Variants in FGF12 observed in about 807,000 individuals in gnomAD.
FGF12 encodes fibroblast growth factor 12B.
A neutral mutation model predicts 23.6 loss-of-function variants in FGF12; 14 were observed. The observed-to-expected ratio is 0.59, with a 90% confidence interval of 0.39 to 0.93. The LOEUF (loss-of-function observed/expected upper bound fraction) is 0.93, where lower values mean the gene tolerates loss of function less well. Ranked by LOEUF, FGF12 falls within the 40% of genes least tolerant of loss-of-function variation. The probability of loss-of-function intolerance (pLI) is 0.00; values close to 1 mark genes in which losing one functional copy is unlikely to be tolerated. For synonymous variants in FGF12, 62 were observed against 77.3 expected (o/e 0.80, Z 1.04); for missense variants, 175 against 217.8 (o/e 0.80, Z 1.24).
chr3:192,681,814 T>C (rs887261549), intron 2 of FGF12, among the ~76,000 whole-genome samples: 5 of 152,074 alleles, frequency 3.3e-5, no homozygotes, highest in African/African-American at 1.2e-4. Context: ...ATAAAAATCA[T>C]CTAGTCAGCC....
intron 4 of FGF12, among the ~76,000 whole-genome samples, chr3:192,271,224 AACATCCAGT>A (rs1713415122): frequency 6.6e-6 from 1 of 152,198 alleles, no homozygotes; most frequent in South Asian, 2.1e-4. Flanking sequence ...TGTATTTAGT[AACATCCAGT>A]ACATCTGCTG....
At chr3:192,533,844 T>G (rs1725158917) in intron 2 of FGF12, among the ~76,000 whole-genome samples, 1 of 152,222 alleles carries the variant, frequency 6.6e-6, no homozygotes, top group African/African-American at 2.4e-5. Context: ...ATACTGTGAT[T>G]CCTGGCAGTG....
intron 2 of FGF12, among the ~76,000 whole-genome samples, chr3:192,543,968 T>C (rs1725434694): frequency 6.6e-6 from 1 of 152,190 alleles, no homozygotes; most frequent in East Asian, 1.9e-4. Context: ...CAAGCTACAC[T>C]GCCTGGGGCT....
intron 2 of FGF12, among the ~76,000 whole-genome samples, chr3:192,669,600 C>G (rs1717030736): frequency 2.2e-5 from 1 of 44,806 alleles, no homozygotes. Flanking sequence ...AAGACTCTGT[C>G]TTAAAAAAAA....
At chr3:192,589,951 A>G (rs1362052382) in intron 2 of FGF12, among the ~76,000 whole-genome samples, 1 of 151,940 alleles carries the variant, frequency 6.6e-6, no homozygotes, top group Non-Finnish European at 1.5e-5. Flanking sequence ...AGAAACTCTT[A>G]TCTTCCTTCT....
chr3:192,539,372 T>C (rs1725309931), intron 2 of FGF12, among the ~76,000 whole-genome samples: 1 of 152,216 alleles, frequency 6.6e-6, no homozygotes, highest in South Asian at 2.1e-4. Flanking sequence ...TTTTATCAAA[T>C]AATTTTTCAG....
chr3:192,617,400 T>TA (rs1377790099), intron 2 of FGF12, among the ~76,000 whole-genome samples: 1 of 151,992 alleles, frequency 6.6e-6, no homozygotes, highest in Non-Finnish European at 1.5e-5. Context: ...CATGGCTGCC[T>TA]AGGACACTAC....
intron 2 of FGF12, among the ~76,000 whole-genome samples, chr3:192,497,348 C>T (rs1723988352): frequency 6.6e-6 from 1 of 152,180 alleles, no homozygotes; most frequent in African/African-American, 2.4e-5. Flanking sequence ...TGTCACTACT[C>T]AACACATTAT....
intron 2 of FGF12, among the ~76,000 whole-genome samples, chr3:192,493,730 C>A (rs1723868214): frequency 6.6e-6 from 1 of 152,020 alleles, no homozygotes; most frequent in Admixed American, 6.6e-5. Flanking sequence ...GGGGGAGGTG[C>A]CACACACTTT....
At chr3:192,428,991 T>A (rs1721771882) in intron 2 of FGF12, among the ~76,000 whole-genome samples, 1 of 152,152 alleles carries the variant, frequency 6.6e-6, no homozygotes, top group Admixed American at 6.6e-5. Flanking sequence ...TTTTAAATAC[T>A]TTTATTTATA....
At chr3:192,224,329 A>G (rs566391075) in intron 4 of FGF12, among the ~76,000 whole-genome samples, 57 of 152,242 alleles carry the variant, frequency 3.7e-4, no homozygotes, top group African/African-American at 1.3e-3. Flanking sequence ...AACGTGAAGG[A>G]TTTCCTACAC....
chr3:192,268,484 G>A (rs961775890), intron 4 of FGF12, among the ~76,000 whole-genome samples: 1 of 152,202 alleles, frequency 6.6e-6, no homozygotes, highest in African/African-American at 2.4e-5. Context: ...GTTGGAGGTG[G>A]GGCCTGGTGG....
chr3:192,431,849 C>T (rs2108790666), intron 2 of FGF12, among the ~76,000 whole-genome samples: 1 of 152,280 alleles, frequency 6.6e-6, no homozygotes, highest in Admixed American at 6.5e-5. Context: ...TAACCTTCAC[C>T]AGGTCATTTA....
chr3:192,355,168 T>C (rs545038018), intron 3 of FGF12, among the ~76,000 whole-genome samples: 2 of 152,368 alleles, frequency 1.3e-5, no homozygotes, highest in African/African-American at 2.4e-5. Context: ...AACTATCCTA[T>C]AAATACATTT....
intron 2 of FGF12, among the ~76,000 whole-genome samples, chr3:192,429,212 C>T (rs761501017): frequency 6.6e-6 from 1 of 152,102 alleles, no homozygotes; most frequent in Non-Finnish European, 1.5e-5. Context: ...AGACATCTGA[C>T]TCTTGTTTAT....
At chr3:192,646,021 T>C (rs1715993771) in intron 2 of FGF12, among the ~76,000 whole-genome samples, 1 of 151,734 alleles carries the variant, frequency 6.6e-6, no homozygotes, top group Non-Finnish European at 1.5e-5. Flanking sequence ...TGATAAAGGG[T>C]TAGCTAAGAA....
chr3:192,561,569 A>T (rs373709620), intron 2 of FGF12, among the ~76,000 whole-genome samples: 2 of 152,022 alleles, frequency 1.3e-5, no homozygotes, highest in African/African-American at 2.4e-5. Flanking sequence ...TCACCGTGTT[A>T]GCCAGGATAG....
chr3:192,704,747 T>C lies in FGF12; in HGVS notation c.13+22434A>G, dbSNP rs146266287. ...TGGTATTTTCTTCAATAGAAGACTA[T>C]GAAGTCTCCATTGAAAATCTGCTGT... On this transcript the variant is annotated intron_variant, in intron 2 of 5. Transcript: ENST00000445105. Among the ~76,000 whole-genome samples, 296 of 152,382 alleles carry C rather than the reference T, an allele frequency of 1.9e-3. 3 individuals carry two copies. Among genetic ancestry groups the C allele is most frequent in the African/African-American group, 6.9e-3 (286 of 41,596 alleles).
chr3:192,262,110 C>T (rs1278584946), intron 4 of FGF12, among the ~76,000 whole-genome samples: 2 of 152,178 alleles, frequency 1.3e-5, no homozygotes, highest in South Asian at 2.1e-4. Context: ...ATTTAAAACA[C>T]AGCAATTAGC....
Sources: gnomAD v4.1 joint callset for allele counts (sites outside exome capture counted in the v4.1 genomes callset) on GRCh38, gnomAD v4.1.1 for gene constraint, MANE v1.5 for transcripts, NCBI Gene and HGNC (gene_info 2026-07-23, HGNC 2026-07-21) for gene names.